The following NLRP5 variants were observed in gnomAD, a reference collection of about 807,000 sequenced individuals.
NLRP5 encodes the protein NLR family pyrin domain containing 5.
Under a neutral mutation model 113.1 loss-of-function variants are expected in NLRP5, and 93 were observed. The ratio of observed to expected loss-of-function variants is 0.82; its 90% CI spans 0.70 to 0.98. The LOEUF is 0.98. Ranked by LOEUF, NLRP5 falls within the 50% of genes least tolerant of loss-of-function variation. NLRP5 has a pLI of 0.00. For synonymous variants in NLRP5, 751 were observed against 600.7 expected, an observed-to-expected ratio of 1.25 and a Z score of -3.66; for missense variants, 1,808 against 1,514.3, an observed-to-expected ratio of 1.19 and a Z score of -3.22.
chr19:56,000,737 G>A lies in NLRP5; in HGVS notation c.62+950G>A, dbSNP rs181650994. Among the ~76,000 whole-genome samples, 292 of 151,964 alleles carry A rather than the reference G, an allele frequency of 1.9e-3. 3 individuals carry two copies. Among genetic ancestry groups the A allele is most frequent in the African/African-American group, 6.6e-3 (275 of 41,464 alleles). On this transcript the variant is annotated intron_variant, in intron 1 of 14. Transcript: ENST00000390649. Reference sequence around the variant, plus strand: ...AAATATTCAAACTTGGTCGGGTGTGGTGGCTCACGCCTATAATCTCAGCAC... The same window carrying A: ...AAATATTCAAACTTGGTCGGGTGTGATGGCTCACGCCTATAATCTCAGCAC...
chr19:56,030,903 G>A (rs908207900), intron 7 of NLRP5, among the ~76,000 whole-genome samples: 1 of 151,430 alleles, frequency 6.6e-6, no homozygotes, highest in African/African-American at 2.4e-5. Context: ...TAGTAGAGAT[G>A]GGGTTTCACC....
At chr19:56,058,106 A>G (rs149998698) in intron 13 of NLRP5, 134 bp from the exon 14 acceptor site, 368 of 665,294 alleles carry the variant, frequency 5.5e-4, no homozygotes, top group Non-Finnish European at 7.5e-4. Context: ...AGAGCCCACC[A>G]GTTTCATTTT....
At chr19:55,997,161 TTG>T (rs1981351698), upstream of NLRP5, among the ~76,000 whole-genome samples, 1 of 152,190 alleles carries the variant, frequency 6.6e-6, no homozygotes, top group Non-Finnish European at 1.5e-5. Flanking sequence ...TTCATATCCT[TTG>T]CCCACTTTTT....
chr19:56,030,714 C>CTTTTTTT lies in NLRP5; in HGVS notation c.2277-1885_2277-1879dup, dbSNP rs770624516. Among the ~76,000 whole-genome samples the CTTTTTTT allele has an allele frequency of 2.3e-3, 163 of 71,288 alleles. 31 individuals are homozygous for CTTTTTTT. Among genetic ancestry groups the CTTTTTTT allele is most frequent in the African/African-American group, 9.4e-3 (131 of 13,950 alleles). The allele number at this position is 71,288 out of a possible 152,430, so 46.8% of individuals were successfully genotyped here. A position where few individuals can be genotyped will look rare whatever the true frequency, so the allele number is the denominator to read the frequency against. ...ACTTACATTCATTCGCTTTCTTCTT[C>CTTTTTTT]TTTTTTTTTTTTTTTTTTGAGACGG... On this transcript the variant is annotated intron_variant, in intron 7 of 14. Transcript: ENST00000390649.
intron 7 of NLRP5, among the ~76,000 whole-genome samples, chr19:56,032,134 C>T (rs774330059): frequency 3.3e-5 from 5 of 152,160 alleles, no homozygotes; most frequent in African/African-American, 1.2e-4. Context: ...ATCATGAGAT[C>T]AGGAGTTCGA....
chr19:56,058,133 T>C, intron 13 of NLRP5, 107 bp from the exon 14 acceptor site: 1 of 897,886 alleles, frequency 1.1e-6, no homozygotes, highest in African/African-American at 1.7e-5. Context: ...GTTTTTGTTT[T>C]GTTTTGTTTT....
chr19:56,034,155 G>A (rs931209338), intron 9 of NLRP5, among the ~76,000 whole-genome samples: 2 of 152,110 alleles, frequency 1.3e-5, no homozygotes, highest in Non-Finnish European at 2.9e-5. Flanking sequence ...TTGGGAGGCC[G>A]AGGCAGGCAG....
chr19:55,998,672 GTATA>G (rs368326842), upstream of NLRP5, among the ~76,000 whole-genome samples: 4,997 of 105,160 alleles, frequency 0.048, 299 homozygotes, highest in Admixed American at 0.087. Flanking sequence ...GTGTGTGTGT[GTATA>G]TATATATATA....
At chr19:56,016,602 CG>C (rs1340254565) in intron 4 of NLRP5, among the ~76,000 whole-genome samples, 9 of 152,184 alleles carry the variant, frequency 5.9e-5, no homozygotes, top group African/African-American at 2.2e-4. Flanking sequence ...CCAACTTTCC[CG>C]GTCCACTCTC....
intron 11 of NLRP5, among the ~76,000 whole-genome samples, chr19:56,042,969 A>ATGTGTG (rs80248924): frequency 6.6e-6 from 1 of 151,336 alleles, no homozygotes; most frequent in Non-Finnish European, 1.5e-5. Flanking sequence ...TCATATATGT[A>ATGTGTG]TGTGTGTGTG....
chr19:56,004,393 G>C (rs1981775481), intron 2 of NLRP5, among the ~76,000 whole-genome samples: 1 of 152,196 alleles, frequency 6.6e-6, no homozygotes, highest in African/African-American at 2.4e-5. Context: ...TCACGGGTCG[G>C]TTGTGAGACT....
rs1215569508 is a variant in NLRP5 at position 56,033,593 on chromosome 19, C to T, written c.2499C>T (p.Val833=). 1.2e-6 allele frequency: 2 copies of T among 1,613,840 alleles called. No homozygotes were observed. The highest frequency in any genetic ancestry group is 2.2e-5 in the South Asian group (2 of 91,080). The change falls in exon 9 of 15, where the codon GTC becomes GTT. Residue 833 remains valine, a synonymous_variant. Transcript: ENST00000390649. Reference sequence around the variant, plus strand: ...GTGTGCAGCACCTCTGGAGAATCGTCATGGCCAACCGTAACCTAAGATCCC... The same window carrying T: ...GTGTGCAGCACCTCTGGAGAATCGTTATGGCCAACCGTAACCTAAGATCCC...
the NLRP5 span, chr19:55,988,117 G>T: frequency 2.1e-6 from 1 of 480,664 alleles, no homozygotes; most frequent in Non-Finnish European, 3.8e-6. Flanking sequence ...GTAAGGCTGG[G>T]CGTGGTGGCT....
Position 56,028,386 on chromosome 19 carries a change from T to A in NLRP5, c.2153T>A (p.Leu718Gln), listed in dbSNP as rs755986943. ...GTGTGGCTTCCGATTAACCAGAACC[T>A]GGACTTGATAGCATCTTCCTTCTGC... Residue 718 changes from leucine (L) to glutamine (Q), a missense_variant, in exon 7 of 15, where the codon CTG becomes CAG. Coordinates refer to ENST00000390649, the MANE Select transcript of NLRP5 (RefSeq NM_153447.4). The A allele has an allele frequency of 6.2e-7, 1 of 1,614,016 alleles. No individual in the cohort carries two copies. Among genetic ancestry groups the A allele is most frequent in the South Asian group, 1.1e-5 (1 of 91,084 alleles).
chr19:56,041,010 T>C lies in NLRP5; in HGVS notation c.2875T>C (p.Ser959Pro), dbSNP rs773760351. ...CCGGAGCTTGACACACCTGTGCCTA[T>C]CCAACAACAGCCTGGGGAACGAAGG... The change falls in exon 11 of 15, where the codon TCC becomes CCC. Residue 959 changes from serine to proline, a missense_variant. Coordinates refer to ENST00000390649, the MANE Select transcript of NLRP5 (RefSeq NM_153447.4). 21 of 1,613,838 alleles carry C rather than the reference T, an allele frequency of 1.3e-5. No individual in the cohort carries two copies. Among genetic ancestry groups the C allele is most frequent in the Non-Finnish European group, 1.8e-5 (21 of 1,179,880 alleles).
chr19:56,006,442 T>G (rs1981916817), intron 2 of NLRP5, among the ~76,000 whole-genome samples: 1 of 151,622 alleles, frequency 6.6e-6, no homozygotes, highest in Admixed American at 6.6e-5. Flanking sequence ...AAAAAATGGA[T>G]GGTATAGGCC....
chr19:56,006,671 G>A (rs1291377243), intron 2 of NLRP5, among the ~76,000 whole-genome samples: 1 of 152,034 alleles, frequency 6.6e-6, no homozygotes, highest in East Asian at 2.0e-4. Flanking sequence ...GGTAGAGGTT[G>A]CAGTGAGTCA....
chr19:56,058,252 T>C lies in NLRP5; in HGVS notation c.3312T>C (p.Cys1104=), dbSNP rs758716493. The C allele has an allele frequency of 6.2e-7, 1 of 1,613,650 alleles. No homozygotes were observed. Among genetic ancestry groups the C allele is most frequent in the Admixed American group, 1.7e-5 (1 of 59,988 alleles). ...CCTGACCCTGCAGGTTGAAGGCATG[T>C]GGACTGACTTCTGATTGCTGTGAGG... The change falls in exon 14 of 15, where the codon TGT becomes TGC. Residue 1104 remains cysteine, a synonymous_variant. Transcript: ENST00000390649.
At chr19:56,011,391 G>T (rs1982185722) in intron 3 of NLRP5, among the ~76,000 whole-genome samples, 1 of 152,024 alleles carries the variant, frequency 6.6e-6, no homozygotes, top group South Asian at 2.1e-4. Context: ...CTCGTTGAGG[G>T]TGATTAAGAT....
Sources: allele counts gnomAD v4.1 joint callset (sites outside exome capture counted in the v4.1 genomes callset), GRCh38; gene constraint gnomAD v4.1.1; transcripts MANE v1.5; gene names NCBI Gene and HGNC (gene_info 2026-07-23, HGNC 2026-07-21).